AAK1: variants seen among roughly 807,000 people sequenced by gnomAD.
The protein encoded by AAK1 is AP2 associated kinase 1.
AAK1 carries 37 observed loss-of-function variants against 116.0 expected under a neutral mutation model. That is an observed-to-expected ratio of 0.32 (90% confidence interval 0.25 to 0.42). AAK1 has a LOEUF of 0.42. Among genes scored for constraint, AAK1 ranks in the 10% least tolerant of loss-of-function variants. The pLI, the probability that AAK1 is intolerant of heterozygous loss-of-function variation, is 1.00. For synonymous variants in AAK1, 458 were observed against 439.9 expected (o/e 1.04, Z -0.51); for missense variants, 919 against 1,170.6 (o/e 0.79, Z 3.14).
At position 69,505,124 on chromosome 2, in the gene AAK1, C is replaced by T. The variant is rs569032791; in HGVS notation, c.2269+445G>A. On this transcript the variant is annotated intron_variant, in intron 16 of 21. Transcript: ENST00000409085. ...CTCCCCAACAGCGTGCGTGCGTGTG[C>T]GCACACACACCCACACACACACACA... is the stretch of plus-strand genomic sequence containing the variant. Among the ~76,000 whole-genome samples, 556 of 108,904 alleles carry T rather than the reference C, an allele frequency of 5.1e-3. 3 individuals are homozygous for T. The highest frequency in any genetic ancestry group is 0.02 in the African/African-American group (514 of 25,940). The allele number at this position is 108,904 out of a possible 152,430, so 71.4% of individuals were successfully genotyped here. A position where few individuals can be genotyped will look rare whatever the true frequency, so the allele number is the denominator to read the frequency against.
intron 2 of AAK1, among the ~76,000 whole-genome samples, chr2:69,607,804 C>T (rs1341403690): frequency 6.6e-6 from 1 of 152,156 alleles, no homozygotes; most frequent in Non-Finnish European, 1.5e-5. Context: ...GCCATGACCA[C>T]TCAGCTTGCT....
Position 69,474,733 on chromosome 2 carries a change from T to G in AAK1, c.*1136A>C. On this transcript the variant is annotated 3_prime_UTR_variant, in exon 22 of 22. Coordinates refer to ENST00000409085, the MANE Select transcript of AAK1 (RefSeq NM_014911.5). ...AGACAGAGGACCTGCTGAAAGCTTA[T>G]AGCACACAAGTCTATTCAAAATGAT... The G allele has an allele frequency of 1.0e-6, 1 of 985,826 alleles. No individual in the cohort carries two copies. Among genetic ancestry groups the G allele is most frequent in the Admixed American group, 6.1e-5 (1 of 16,284 alleles). 61.1% of individuals were successfully genotyped at this position (985,826 alleles called of 1,614,324 possible).
chr2:69,622,427 T>C (rs1305088659), intron 2 of AAK1, among the ~76,000 whole-genome samples: 3 of 151,832 alleles, frequency 2.0e-5, no homozygotes, highest in Non-Finnish European at 2.9e-5. Flanking sequence ...GGAGTGCAGG[T>C]GCACGGCACG....
At position 69,475,781 on chromosome 2, in the gene AAK1, T is replaced by TA. The variant is rs1300918797; in HGVS notation, c.*87dup. 8 of 1,502,402 alleles carry TA rather than the reference T, an allele frequency of 5.3e-6. No homozygotes were observed. Among genetic ancestry groups the TA allele is most frequent in the African/African-American group, 4.2e-5 (3 of 71,640 alleles). 93.1% of individuals were successfully genotyped at this position (1,502,402 alleles called of 1,614,324 possible). A position where few individuals can be genotyped will look rare whatever the true frequency, so the allele number is the denominator to read the frequency against. ...AGGGCCCCTTATTTGCAGATTTTTT[T>TA]AAAAAAATCATTTTTTTCATAACTC... On this transcript the variant is annotated 3_prime_UTR_variant, in exon 22 of 22. Transcript: ENST00000409085.
intron 14 of AAK1, among the ~76,000 whole-genome samples, chr2:69,508,344 TAAAG>T (rs1676266531): frequency 6.6e-6 from 1 of 152,212 alleles, no homozygotes. Context: ...TAAAAAGAAA[TAAAG>T]ACAGTTACCA....
chr2:69,616,660 T>C (rs1270170681), intron 2 of AAK1, among the ~76,000 whole-genome samples: 4 of 152,166 alleles, frequency 2.6e-5, no homozygotes, highest in African/African-American at 9.7e-5. Context: ...GTAATAGCCC[T>C]TTCCTAGGTG....
chr2:69,542,256 TG>T (rs1360597442), intron 5 of AAK1, among the ~76,000 whole-genome samples: 10 of 152,090 alleles, frequency 6.6e-5, no homozygotes, highest in Non-Finnish European at 1.5e-4. Context: ...CCTGAAAAAG[TG>T]GGGGGAGTAT....
intron 2 of AAK1, among the ~76,000 whole-genome samples, chr2:69,580,590 T>C (rs953985942): frequency 3.9e-5 from 6 of 152,234 alleles, no homozygotes; most frequent in African/African-American, 1.4e-4. Context: ...TCTTCTAATT[T>C]CAGACTCTTG....
chr2:69,586,877 G>T (rs942484897), intron 2 of AAK1, among the ~76,000 whole-genome samples: 2 of 152,050 alleles, frequency 1.3e-5, no homozygotes, highest in African/African-American at 4.8e-5. Context: ...GGTTTGGGTC[G>T]GGCGGAGGGT....
intron 2 of AAK1, among the ~76,000 whole-genome samples, chr2:69,607,575 C>G (rs956405934): frequency 6.6e-6 from 1 of 152,118 alleles, no homozygotes; most frequent in Non-Finnish European, 1.5e-5. Context: ...TACCAGGATA[C>G]AAAATCTATT....
intron 2 of AAK1, among the ~76,000 whole-genome samples, chr2:69,600,223 T>G (rs1395484897): frequency 4.6e-5 from 7 of 151,174 alleles, no homozygotes. Context: ...TAGAATATTA[T>G]GAATATTCCA....
chr2:69,573,271 G>A (rs912534232), intron 2 of AAK1, among the ~76,000 whole-genome samples: 3 of 152,138 alleles, frequency 2.0e-5, no homozygotes, highest in Non-Finnish European at 4.4e-5. Context: ...AATATCTGAA[G>A]CTTAATTAGG....
chr2:69,465,997 A>G lies in AAK1; in HGVS notation c.*9872T>C, dbSNP rs1164060124. 3 of 1,290,888 alleles carry G rather than the reference A, an allele frequency of 2.3e-6. No homozygotes were observed. Among genetic ancestry groups the G allele is most frequent in the East Asian group, 5.5e-5 (1 of 18,026 alleles). The allele number at this position is 1,290,888 out of a possible 1,614,324, so 80.0% of individuals were successfully genotyped here. On this transcript the variant is annotated 3_prime_UTR_variant, in exon 22 of 22. Coordinates refer to ENST00000409085, the MANE Select transcript of AAK1 (RefSeq NM_014911.5). Reference sequence around the variant, plus strand: ...TTCTTCTTAGTGAAAGGAGCTCTCAAAAACACGTCTGACTCCTCTGGCTGG... The same window carrying G: ...TTCTTCTTAGTGAAAGGAGCTCTCAGAAACACGTCTGACTCCTCTGGCTGG...
chr2:69,546,335 A>G (rs1261547150), intron 3 of AAK1, among the ~76,000 whole-genome samples: 1 of 152,210 alleles, frequency 6.6e-6, no homozygotes, highest in Non-Finnish European at 1.5e-5. Flanking sequence ...CACAATCTCT[A>G]TAATTCAAGT....
Position 69,474,509 on chromosome 2 carries a change from TA to T in AAK1, c.*1359del, listed in dbSNP as rs990665670. 1 of 984,716 alleles carries T rather than the reference TA, an allele frequency of 1.0e-6. No homozygotes were observed. Among genetic ancestry groups the T allele is most frequent in the African/African-American group, 1.7e-5 (1 of 57,316 alleles). 61.0% of individuals were successfully genotyped at this position (984,716 alleles called of 1,614,324 possible). On this transcript the variant is annotated 3_prime_UTR_variant, in exon 22 of 22. Coordinates refer to ENST00000409085, the MANE Select transcript of AAK1 (RefSeq NM_014911.5). ...TTTATTTATTTTATGAACAATATCC[TA>T]AAGTTAATAAAGAACTATGCTTTAT...
intron 4 of AAK1, among the ~76,000 whole-genome samples, chr2:69,543,467 G>A (rs142621582): frequency 0.022 from 3,412 of 152,088 alleles, 88 homozygotes; most frequent in African/African-American, 0.056. Flanking sequence ...GAGTGTAGTG[G>A]CGTGATCTCA....
intron 13 of AAK1, among the ~76,000 whole-genome samples, chr2:69,511,630 T>C (rs573097123): frequency 1.3e-5 from 2 of 152,300 alleles, no homozygotes; most frequent in African/African-American, 4.8e-5. Flanking sequence ...TACTAAACTG[T>C]TGGGTCCCTT....
At position 69,474,747 on chromosome 2, in the gene AAK1, A is replaced by G. The variant is rs1674790584; in HGVS notation, c.*1122T>C. 1.0e-6 allele frequency: 1 copy of G among 985,752 alleles called. No homozygotes were observed. Among genetic ancestry groups the G allele is most frequent in the South Asian group, 4.7e-5 (1 of 21,292 alleles). 61.1% of individuals were successfully genotyped at this position (985,752 alleles called of 1,614,324 possible). On this transcript the variant is annotated 3_prime_UTR_variant, in exon 22 of 22. Transcript: ENST00000409085. ...CTGAAAGCTTATAGCACACAAGTCT[A>G]TTCAAAATGATTCCATATGTTACAC...
intron 13 of AAK1, among the ~76,000 whole-genome samples, chr2:69,512,418 C>T (rs955005094): frequency 1.3e-5 from 2 of 152,162 alleles, no homozygotes; most frequent in Non-Finnish European, 2.9e-5. Flanking sequence ...TACTGTTGTA[C>T]AGACTTTATA....
Sources: gnomAD v4.1 joint callset for allele counts (sites outside exome capture counted in the v4.1 genomes callset) on GRCh38, gnomAD v4.1.1 for gene constraint, MANE v1.5 for transcripts, NCBI Gene and HGNC (gene_info 2026-07-23, HGNC 2026-07-21) for gene names.